The following RGPD2 variants were observed in gnomAD, a reference collection of about 807,000 sequenced individuals.
RGPD2 encodes RANBP2-like and GRIP domain-containing protein 2.
Under a neutral mutation model 36.0 loss-of-function variants are expected in RGPD2, and 2 were observed. The observed-to-expected ratio is 0.06, with a 90% CI of 0.02 to 0.17. The LOEUF (loss-of-function observed/expected upper bound fraction) is 0.17. Ranked by LOEUF, RGPD2 falls within the 10% of genes least tolerant of loss-of-function variation. RGPD2 has a pLI of 1.00. For synonymous variants in RGPD2, 19 were observed against 163.8 expected (o/e 0.12, Z 6.75); for missense variants, 40 against 464.3 (o/e 0.09, Z 8.40).
At chr2:87,972,351 C>CAG in the RGPD2 span, among the ~76,000 whole-genome samples, 2 of 122,470 alleles carry the variant, frequency 1.6e-5, no homozygotes, top group Non-Finnish European at 3.4e-5. Context: ...ATCTCATGAT[C>CAG]TTGTTCAGTA....
At chr2:87,842,381 T>C in the RGPD2 span, among the ~76,000 whole-genome samples, 6 of 149,566 alleles carry the variant, frequency 4.0e-5, no homozygotes, top group African/African-American at 1.5e-4. Context: ...ACAAAATCAA[T>C]GTATAAAAAT....
chr2:87,837,212 A>G, the RGPD2 span, among the ~76,000 whole-genome samples: 1 of 150,358 alleles, frequency 6.7e-6, no homozygotes, highest in African/African-American at 2.4e-5. Context: ...CAAATTTGAT[A>G]CTTAACTAAA....
chr2:87,921,939 A>C, the RGPD2 span, among the ~76,000 whole-genome samples: 5 of 151,680 alleles, frequency 3.3e-5, no homozygotes, highest in East Asian at 9.7e-4. Context: ...AAAGGAAACA[A>C]GACTGACTTG....
chr2:87,769,636 C>T (rs1685064309), intron 22 of RGPD2, among the ~76,000 whole-genome samples: 1 of 151,816 alleles, frequency 6.6e-6, no homozygotes, highest in Non-Finnish European at 1.5e-5. Flanking sequence ...TAAAAGAGAC[C>T]TGTTAGACAT....
At chr2:87,973,279 C>T in the RGPD2 span, among the ~76,000 whole-genome samples, 33,836 of 146,126 alleles carry the variant, frequency 0.23, 4 homozygotes, top group East Asian at 0.36. Flanking sequence ...CCCCTCCTGC[C>T]GCTATCGCCG....
the RGPD2 span, among the ~76,000 whole-genome samples, chr2:87,979,009 C>T: frequency 2.1e-4 from 31 of 147,466 alleles, no homozygotes; most frequent in South Asian, 6.5e-4. Context: ...TCAACATGGG[C>T]GGATTATTGA....
At chr2:87,876,127 CTATTT>C in the RGPD2 span, among the ~76,000 whole-genome samples, 3 of 149,280 alleles carry the variant, frequency 2.0e-5, no homozygotes, top group African/African-American at 4.9e-5. Flanking sequence ...AGCTAGCAGT[CTATTT>C]TATTTTATTT....
chr2:87,885,395 C>T, the RGPD2 span, among the ~76,000 whole-genome samples: 3 of 152,042 alleles, frequency 2.0e-5, no homozygotes, highest in Middle Eastern at 3.4e-3. Context: ...CAGCTAACAT[C>T]GTACTCAGGA....
intron 21 of RGPD2, among the ~76,000 whole-genome samples, chr2:87,773,696 A>AAC: frequency 4.8e-5 from 1 of 20,998 alleles, no homozygotes; most frequent in Admixed American, 5.1e-4. Context: ...ACTATCTCAA[A>AAC]AAAAAAAAAA....
the RGPD2 span, among the ~76,000 whole-genome samples, chr2:87,919,629 G>A: frequency 6.8e-6 from 1 of 146,034 alleles, no homozygotes; most frequent in Non-Finnish European, 1.5e-5. Context: ...GTTTTCTAGT[G>A]GAAAAATGCA....
At chr2:87,855,004 G>A in the RGPD2 span, among the ~76,000 whole-genome samples, 1 of 152,106 alleles carries the variant, frequency 6.6e-6, no homozygotes, top group African/African-American at 2.4e-5. Context: ...GTCCGTGTGT[G>A]TGTGTGTGCG....
At chr2:87,915,494 C>CTT in the RGPD2 span, among the ~76,000 whole-genome samples, 2 of 106,582 alleles carry the variant, frequency 1.9e-5, no homozygotes, top group African/African-American at 4.4e-5. Flanking sequence ...TGTGTATATA[C>CTT]GTATATATAC....
chr2:87,827,018 T>C (rs1337488151), upstream of RGPD2, among the ~76,000 whole-genome samples: 2 of 146,626 alleles, frequency 1.4e-5, no homozygotes, highest in African/African-American at 2.5e-5. Flanking sequence ...GAATCTAATC[T>C]AATATAGCCT....
chr2:87,930,427 C>T, the RGPD2 span, among the ~76,000 whole-genome samples: 14 of 152,200 alleles, frequency 9.2e-5, no homozygotes, highest in South Asian at 1.2e-3. Context: ...CCTACTTGAT[C>T]GTGGTGGATA....
the RGPD2 span, among the ~76,000 whole-genome samples, chr2:87,936,202 A>C: frequency 2.6e-5 from 4 of 151,096 alleles, no homozygotes; most frequent in Non-Finnish European, 4.4e-5. Context: ...AAGTTCAGGA[A>C]CTGAGAACCC....
the RGPD2 span, among the ~76,000 whole-genome samples, chr2:87,837,872 GAGA>G: frequency 1.0e-5 from 1 of 96,972 alleles, no homozygotes; most frequent in African/African-American, 3.8e-5. Context: ...ATTCAAAAAT[GAGA>G]AGAACACATT....
At chr2:87,762,743 CAAA>C (rs1684926494) in intron 22 of RGPD2, among the ~76,000 whole-genome samples, 1 of 35,068 alleles carries the variant, frequency 2.9e-5, no homozygotes, top group Non-Finnish European at 4.8e-5. Flanking sequence ...ACAACAACAA[CAAA>C]AACAAATTAA....
At chr2:87,934,661 C>G in the RGPD2 span, among the ~76,000 whole-genome samples, 3 of 150,706 alleles carry the variant, frequency 2.0e-5, no homozygotes, top group Admixed American at 2.0e-4. Context: ...TTATATATTT[C>G]TAGACTTTGA....
intron 22 of RGPD2, among the ~76,000 whole-genome samples, chr2:87,769,435 A>T (rs1440678326): frequency 1.3e-5 from 2 of 150,974 alleles, no homozygotes; most frequent in African/African-American, 4.9e-5. Context: ...CTGTCTGTTT[A>T]CAGGACTTAC....
Sources: gnomAD v4.1 joint callset for allele counts (sites outside exome capture counted in the v4.1 genomes callset) on GRCh38, gnomAD v4.1.1 for gene constraint, MANE v1.5 for transcripts, NCBI Gene and HGNC (gene_info 2026-07-23, HGNC 2026-07-21) for gene names.